ITFG1: variants seen among roughly 807,000 people sequenced by gnomAD.
The protein encoded by ITFG1 is integrin alpha FG-GAP repeat containing 1.
In ITFG1, 34 loss-of-function variants were observed where a neutral mutation model predicts 81.8. The observed-to-expected ratio is 0.42, with a 90% CI of 0.32 to 0.55. The LOEUF is 0.55. Ranked by LOEUF, ITFG1 falls within the 20% of genes least tolerant of loss-of-function variation. ITFG1 has a pLI of 0.17. For synonymous variants in ITFG1, 285 were observed against 270.6 expected, an observed-to-expected ratio of 1.05 and a Z score of -0.52; for missense variants, 672 against 755.4, an observed-to-expected ratio of 0.89 and a Z score of 1.29.
intron 14 of ITFG1, among the ~76,000 whole-genome samples, chr16:47,212,005 C>A (rs2151524488): frequency 6.6e-6 from 1 of 151,788 alleles, no homozygotes; most frequent in South Asian, 2.1e-4. Flanking sequence ...AAGTGATTCT[C>A]CCACATCGGC....
At chr16:47,395,084 T>A (rs1567485067) in intron 6 of ITFG1, among the ~76,000 whole-genome samples, 1 of 152,172 alleles carries the variant, frequency 6.6e-6, no homozygotes, top group Admixed American at 6.5e-5. Flanking sequence ...CTTATTGAAG[T>A]TGCATGCTAA....
chr16:47,415,635 G>C (rs1345493510), intron 6 of ITFG1, among the ~76,000 whole-genome samples: 1 of 152,100 alleles, frequency 6.6e-6, no homozygotes, highest in Non-Finnish European at 1.5e-5. Flanking sequence ...AATAATGTAA[G>C]ATATGCATAT....
intron 7 of ITFG1, among the ~76,000 whole-genome samples, chr16:47,367,508 C>G (rs1016152853): frequency 4.6e-5 from 7 of 152,192 alleles, no homozygotes; most frequent in African/African-American, 1.7e-4. Context: ...ACAGACATCC[C>G]TTTGGAGATT....
intron 14 of ITFG1, among the ~76,000 whole-genome samples, chr16:47,189,390 T>C (rs548120553): frequency 2.5e-4 from 38 of 152,310 alleles, no homozygotes; most frequent in Admixed American, 1.2e-3. Context: ...CAGCCCCTGG[T>C]AACCACTACT....
chr16:47,460,849 A>G lies in ITFG1; in HGVS notation c.197T>C (p.Val66Ala). 6.2e-7 allele frequency: 1 copy of G among 1,613,514 alleles called. No homozygotes were observed. The highest frequency in any genetic ancestry group is 8.5e-7 in the Non-Finnish European group (1 of 1,179,948). Residue 66 changes from valine (V) to alanine (A), a missense_variant, in exon 1 of 18, where the codon GTG (valine) becomes GCG (alanine). Val to Ala is a moderately conservative substitution (Grantham distance 64). Transcript: ENST00000320640. ...LNSDKQTDLFVLRERNDLIVF... is the reference protein window; with the variant it reads ...LNSDKQTDLFALRERNDLIVF... Reference sequence around the variant, plus strand: ...CGGCAAGCACTGACTTTCCCGCAGCACGAAGAGATCCGTCTGCTTGTCGGA... The same window carrying G: ...CGGCAAGCACTGACTTTCCCGCAGCGCGAAGAGATCCGTCTGCTTGTCGGA...
chr16:47,337,629 G>A (rs1377426896), intron 8 of ITFG1, among the ~76,000 whole-genome samples: 1 of 152,166 alleles, frequency 6.6e-6, no homozygotes, highest in African/African-American at 2.4e-5. Context: ...TGGTACATAC[G>A]TTAAGGATTG....
chr16:47,326,284 T>C (rs1240139955), intron 8 of ITFG1, among the ~76,000 whole-genome samples: 6 of 152,192 alleles, frequency 3.9e-5, no homozygotes, highest in Non-Finnish European at 8.8e-5. Context: ...CACTTCATGC[T>C]AAAAACTCTC....
At chr16:47,388,753 C>T (rs1968493958) in intron 6 of ITFG1, among the ~76,000 whole-genome samples, 1 of 151,998 alleles carries the variant, frequency 6.6e-6, no homozygotes, top group African/African-American at 2.4e-5. Context: ...TTTTAAAATC[C>T]TCTTAAAGTT....
At chr16:47,324,603 A>G (rs1385248868) in intron 8 of ITFG1, among the ~76,000 whole-genome samples, 1 of 152,246 alleles carries the variant, frequency 6.6e-6, no homozygotes, top group Non-Finnish European at 1.5e-5. Flanking sequence ...TCTCATGTGC[A>G]GAGACACACA....
chr16:47,294,168 T>G (rs1439855872), intron 10 of ITFG1, among the ~76,000 whole-genome samples: 1 of 152,126 alleles, frequency 6.6e-6, no homozygotes, highest in African/African-American at 2.4e-5. Flanking sequence ...CAGTTAACTG[T>G]AGACTTTTGG....
intron 13 of ITFG1, among the ~76,000 whole-genome samples, chr16:47,225,352 T>TAGAA (rs1407421040): frequency 6.6e-6 from 1 of 151,044 alleles, no homozygotes; most frequent in Admixed American, 6.6e-5. Flanking sequence ...AGGAAAGAGG[T>TAGAA]AGAAATATGT....
intron 8 of ITFG1, among the ~76,000 whole-genome samples, chr16:47,342,582 T>C (rs1328344868): frequency 5.3e-5 from 8 of 152,056 alleles, no homozygotes; most frequent in Admixed American, 5.2e-4. Flanking sequence ...GATGACATGA[T>C]GCTATATTGA....
chr16:47,178,067 G>A (rs1965052195), intron 14 of ITFG1, among the ~76,000 whole-genome samples: 2 of 152,156 alleles, frequency 1.3e-5, no homozygotes, highest in South Asian at 4.1e-4. Flanking sequence ...TTTAAAATTT[G>A]GAGATGTTTT....
intron 5 of ITFG1, among the ~76,000 whole-genome samples, chr16:47,444,549 T>C (rs1969298189): frequency 6.6e-6 from 1 of 152,132 alleles, no homozygotes; most frequent in African/African-American, 2.4e-5. Flanking sequence ...AACATGTAAA[T>C]TTATATATTA....
chr16:47,175,683 A>G (rs1308411328), intron 14 of ITFG1, among the ~76,000 whole-genome samples: 1 of 152,196 alleles, frequency 6.6e-6, no homozygotes, highest in African/African-American at 2.4e-5. Flanking sequence ...CTTATGATAC[A>G]TGTTCTGGGA....
At chr16:47,406,976 G>A (rs1389003562) in intron 6 of ITFG1, among the ~76,000 whole-genome samples, 1 of 152,178 alleles carries the variant, frequency 6.6e-6, no homozygotes, top group Non-Finnish European at 1.5e-5. Flanking sequence ...CAATAAGGAG[G>A]CTGGCAGGCT....
chr16:47,296,056 G>C (rs1370292059), intron 10 of ITFG1, among the ~76,000 whole-genome samples: 2 of 151,250 alleles, frequency 1.3e-5, no homozygotes, highest in Non-Finnish European at 2.9e-5. Context: ...GCATCACCAT[G>C]TCCCGGCTAA....
intron 5 of ITFG1, among the ~76,000 whole-genome samples, chr16:47,444,635 C>T (rs1969299570): frequency 6.6e-6 from 1 of 152,062 alleles, no homozygotes; most frequent in African/African-American, 2.4e-5. Flanking sequence ...TAAGATGCTT[C>T]ACTTTAAATG....
chr16:47,451,338 G>C, intron 5 of ITFG1, 58 bp downstream of exon 5: 1 of 933,406 alleles, frequency 1.1e-6, no homozygotes, highest in Non-Finnish European at 1.7e-6. Context: ...TTTCTCCAAT[G>C]GTTAAAGTAG....
Sources: gnomAD v4.1 joint callset for allele counts (sites outside exome capture counted in the v4.1 genomes callset) on GRCh38, gnomAD v4.1.1 for gene constraint, MANE v1.5 for transcripts, NCBI Gene and HGNC (gene_info 2026-07-23, HGNC 2026-07-21) for gene names.